GLIS1: variants seen among roughly 807,000 people sequenced by gnomAD.
The protein encoded by GLIS1 is zinc finger protein GLIS1.
GLIS1 carries 24 observed loss-of-function variants against 63.8 expected under a neutral mutation model. That is an observed-to-expected ratio of 0.38 (90% CI 0.27 to 0.53). GLIS1 has a LOEUF of 0.53. Among genes scored for constraint, GLIS1 ranks in the 20% least tolerant of loss-of-function variants. GLIS1 has a pLI of 0.85. For synonymous variants in GLIS1, 450 were observed against 482.5 expected (o/e 0.93, Z 0.88); for missense variants, 1,036 against 1,074.1 (o/e 0.96, Z 0.50).
intron 2 of GLIS1, among the ~76,000 whole-genome samples, chr1:53,690,247 C>G (rs571031790): frequency 1.8e-4 from 27 of 152,366 alleles, no homozygotes; most frequent in Non-Finnish European, 4.0e-4. Flanking sequence ...ACCACGACAC[C>G]GCATCTTCAG....
At chr1:53,573,865 C>G (rs1316565925) in intron 4 of GLIS1, among the ~76,000 whole-genome samples, 2 of 152,214 alleles carry the variant, frequency 1.3e-5, no homozygotes, top group Non-Finnish European at 2.9e-5. Flanking sequence ...CTGGAGACCA[C>G]AGATTTCTCC....
intron 4 of GLIS1, among the ~76,000 whole-genome samples, chr1:53,542,880 A>C (rs1395427426): frequency 6.6e-6 from 1 of 152,172 alleles, no homozygotes; most frequent in Non-Finnish European, 1.5e-5. Flanking sequence ...CACTATGGAG[A>C]AGACACTGAG....
chr1:53,659,701 A>T (rs1646005309), intron 2 of GLIS1, among the ~76,000 whole-genome samples: 1 of 152,196 alleles, frequency 6.6e-6, no homozygotes, highest in Non-Finnish European at 1.5e-5. Flanking sequence ...GAAGGGGCTG[A>T]GCGCCTGGAC....
At chr1:53,725,811 TC>T (rs1367073598) in intron 2 of GLIS1, among the ~76,000 whole-genome samples, 1 of 152,166 alleles carries the variant, frequency 6.6e-6, no homozygotes, top group Non-Finnish European at 1.5e-5. Flanking sequence ...CAGGGGTCAT[TC>T]CCCCATTTTA....
chr1:53,526,842 C>T lies in GLIS1; in HGVS notation c.1483-1955G>A, dbSNP rs554798. 0.083 allele frequency among the ~76,000 whole-genome samples: 12,612 copies of T among 152,198 alleles called. 1,260 individuals carry two copies. The highest frequency in any genetic ancestry group is 0.5 in the East Asian group (2,593 of 5,150). ...AGAACATTCCTCAGGCCCCATTCCC[C>T]GTGAGCCTGTGGGAAACCCTGTGGC... On this transcript the variant is annotated intron_variant, in intron 5 of 10. Transcript: ENST00000628545. The surrounding 1 kb of genome is among the most constrained non-coding windows in gnomAD (Gnocchi z 4.4).
intron 4 of GLIS1, 58 bp downstream of exon 4, chr1:53,594,050 G>T (rs1645220606): frequency 1.9e-6 from 3 of 1,541,596 alleles, no homozygotes; most frequent in Non-Finnish European, 2.6e-6. Context: ...GGGCACTGGG[G>T]TGAGTGCTGC....
rs1644831930 is a variant in GLIS1 at position 53,556,568 on chromosome 1, G to GTGTA, written c.1321-26617_1321-26616insTACA. On this transcript the variant is annotated intron_variant, in intron 4 of 10. Transcript: ENST00000628545. Reference sequence around the variant, plus strand: ...GTGTGTGTGCAGGTGTACTGCAGGGGTGTGTGTATGCAGGTGTACTGTAGG... The same window carrying GTGTA: ...GTGTGTGTGCAGGTGTACTGCAGGGGTGTATGTGTGTATGCAGGTGTACTGTAGG... Among the ~76,000 whole-genome samples, 2 of 35,210 alleles carry GTGTA rather than the reference G, an allele frequency of 5.7e-5. 1 individual carries two copies. Among genetic ancestry groups the GTGTA allele is most frequent in the African/African-American group, 1.0e-3 (2 of 1,990 alleles). 23.1% of individuals were successfully genotyped at this position (35,210 alleles called of 152,430 possible).
intron 4 of GLIS1, among the ~76,000 whole-genome samples, chr1:53,583,405 A>C (rs1041537151): frequency 1.3e-5 from 2 of 152,230 alleles, no homozygotes; most frequent in Non-Finnish European, 2.9e-5. Context: ...ATGGTTCATC[A>C]GTTGAACAGA....
chr1:53,717,621 CTCT>C (rs1205417013), intron 2 of GLIS1, among the ~76,000 whole-genome samples: 1 of 152,206 alleles, frequency 6.6e-6, no homozygotes, highest in African/African-American at 2.4e-5. Context: ...GATCCTCTGT[CTCT>C]GCTTAAATGT....
chr1:53,628,163 G>A (rs1569945335), intron 2 of GLIS1, among the ~76,000 whole-genome samples: 1 of 151,952 alleles, frequency 6.6e-6, no homozygotes, highest in East Asian at 1.9e-4. Flanking sequence ...GCTGTGCCTT[G>A]CTGTACCTGG....
rs952287334 is a variant in GLIS1, at chr1:53,539,577, T to C, written c.1321-9625A>G. On this transcript the variant is annotated intron_variant, in intron 4 of 10. Transcript: ENST00000628545. The surrounding 1 kb of genome is among the most constrained non-coding windows in gnomAD (Gnocchi z 5.0). ...CCACACACACTACACATCATACACA[T>C]AAACTGTGTTTACACCCCATGACTC... Among the ~76,000 whole-genome samples, 2 of 146,182 alleles carry C rather than the reference T, an allele frequency of 1.4e-5. No homozygotes were observed. The highest frequency in any genetic ancestry group is 5.1e-5 in the African/African-American group (2 of 39,262).
rs561388058 is a variant in GLIS1, at chr1:53,560,832, C to A, written c.1321-30880G>T. ...CATACCTCAGTACCCCAGGCCTTGCCACCTGAAGGGGCAATACACCACACT... is the reference window on the plus strand; with the variant it reads ...CATACCTCAGTACCCCAGGCCTTGCAACCTGAAGGGGCAATACACCACACT... On this transcript the variant is annotated intron_variant, in intron 4 of 10. Transcript: ENST00000628545. The surrounding 1 kb of genome is among the most constrained non-coding windows in gnomAD (Gnocchi z 4.4). Among the ~76,000 whole-genome samples, 1 of 152,284 alleles carries A rather than the reference C, an allele frequency of 6.6e-6. No homozygotes were observed. Among genetic ancestry groups the A allele is most frequent in the East Asian group, 1.9e-4 (1 of 5,176 alleles).
At chr1:53,647,713 C>T (rs1202378508) in intron 2 of GLIS1, among the ~76,000 whole-genome samples, 1 of 152,040 alleles carries the variant, frequency 6.6e-6, no homozygotes, top group Non-Finnish European at 1.5e-5. Context: ...AAGCACTAAC[C>T]ATAAAAGTAA....
In GLIS1 at chr1:53,543,266, G is replaced by A. The variant is rs375458334; in HGVS notation, c.1321-13314C>T. On this transcript the variant is annotated intron_variant, in intron 4 of 10. Transcript: ENST00000628545. Reference sequence around the variant, plus strand: ...GGAAGTGGTCCTCCCTCATGGGGACGTGGACACGGGAAAAGCGAGGAAAAC... The same window carrying A: ...GGAAGTGGTCCTCCCTCATGGGGACATGGACACGGGAAAAGCGAGGAAAAC... Among the ~76,000 whole-genome samples the A allele has an allele frequency of 3.3e-5, 5 of 152,220 alleles. No homozygotes were observed. In the South Asian group the frequency reaches 6.2e-4, roughly 19 times the overall value.
intron 2 of GLIS1, among the ~76,000 whole-genome samples, chr1:53,658,446 A>G (rs1199724054): frequency 6.6e-6 from 1 of 152,220 alleles, no homozygotes; most frequent in East Asian, 1.9e-4. Flanking sequence ...TTCAGTGCAG[A>G]TCCTGGCCCT....
chr1:53,672,494 C>A (rs952927714), intron 2 of GLIS1, among the ~76,000 whole-genome samples: 2 of 152,240 alleles, frequency 1.3e-5, no homozygotes, highest in East Asian at 3.8e-4. Context: ...TCACCTCCTA[C>A]CCCTGGGCCT....
At chr1:53,737,662 TGAC>T in intron 2 of GLIS1, 141 bp downstream of exon 2, 1 of 801,650 alleles carries the variant, frequency 1.2e-6, no homozygotes, top group Non-Finnish European at 1.7e-6. Flanking sequence ...ACTTTCACAC[TGAC>T]AAGCTAGTCC....
At chr1:53,513,763 G>C (rs1157950456) in intron 8 of GLIS1, among the ~76,000 whole-genome samples, 2 of 152,228 alleles carry the variant, frequency 1.3e-5, no homozygotes, top group Admixed American at 6.5e-5. Context: ...CGAATGAATG[G>C]GTGAATGAAT....
chr1:53,688,001 C>A (rs995001875), intron 2 of GLIS1, among the ~76,000 whole-genome samples: 1 of 152,106 alleles, frequency 6.6e-6, no homozygotes, highest in Admixed American at 6.5e-5. Flanking sequence ...CAGCCTCTGG[C>A]CCTCCCTGGA....
Sources: allele counts gnomAD v4.1 joint callset (sites outside exome capture counted in the v4.1 genomes callset), GRCh38; gene constraint gnomAD v4.1.1; non-coding constraint Gnocchi (gnomAD v3.1); transcripts MANE v1.5; gene names NCBI Gene and HGNC (gene_info 2026-07-23, HGNC 2026-07-21).